FHIT: variants seen among roughly 807,000 people sequenced by gnomAD.
FHIT encodes bis(5'-adenosyl)-triphosphatase.
In FHIT, 19 loss-of-function variants were observed where a neutral mutation model predicts 17.9. That is an observed-to-expected ratio of 1.06 (90% CI 0.74 to 1.56). The LOEUF is 1.56. Ranked by LOEUF, FHIT falls within the 40% of genes most tolerant of loss-of-function variation. FHIT has a pLI of 0.00. For missense variants in FHIT, 248 were observed against 189.2 expected (o/e 1.31, Z -1.82); for synonymous variants, 81 against 69.7 (o/e 1.16, Z -0.81).
intron 4 of FHIT, among the ~76,000 whole-genome samples, chr3:60,550,696 C>T (rs2036517949): frequency 1.3e-5 from 2 of 151,520 alleles, no homozygotes; most frequent in African/African-American, 4.9e-5. Context: ...AAAAGATGTT[C>T]AGGGATTACA....
chr3:60,976,382 C>T (rs1318359375), intron 3 of FHIT, among the ~76,000 whole-genome samples: 1 of 152,060 alleles, frequency 6.6e-6, no homozygotes, highest in Non-Finnish European at 1.5e-5. Flanking sequence ...GCTCAGATTC[C>T]AGGCGTGAGC....
At chr3:60,936,182 C>T (rs1181911333) in intron 3 of FHIT, among the ~76,000 whole-genome samples, 1 of 152,150 alleles carries the variant, frequency 6.6e-6, no homozygotes, top group African/African-American at 2.4e-5. Flanking sequence ...GTACATGGTA[C>T]ATCAAGGGTT....
intron 4 of FHIT, among the ~76,000 whole-genome samples, chr3:60,616,054 A>G (rs2038941937): frequency 6.6e-6 from 1 of 152,202 alleles, no homozygotes; most frequent in Non-Finnish European, 1.5e-5. Context: ...CACCCTTGTC[A>G]GTAATATCAC....
Position 59,979,820 on chromosome 3 carries a change from T to G in FHIT, c.279+31551A>C, listed in dbSNP as rs745727842. On this transcript the variant is annotated intron_variant, in intron 7 of 9. Coordinates refer to ENST00000492590, the MANE Select transcript of FHIT (RefSeq NM_002012.4). ...AAGAAAGAAACTGTGAAACTGAGCG[T>G]CACCATCCTGCCACATAAAAAGCAA... is the stretch of plus-strand genomic sequence containing the variant. Among the ~76,000 whole-genome samples, 7 of 152,092 alleles carry G rather than the reference T, an allele frequency of 4.6e-5. No individual in the cohort carries two copies. The South Asian group carries it at 1.4e-3, about 32-fold the overall frequency.
intron 4 of FHIT, among the ~76,000 whole-genome samples, chr3:60,744,534 G>A (rs1364892630): frequency 6.6e-6 from 1 of 152,126 alleles, no homozygotes; most frequent in Non-Finnish European, 1.5e-5. Context: ...ACACTTTATA[G>A]TTGTGAGCCC....
intron 5 of FHIT, among the ~76,000 whole-genome samples, chr3:60,056,719 A>G (rs1575993460): frequency 6.6e-6 from 1 of 152,250 alleles, no homozygotes; most frequent in African/African-American, 2.4e-5. Context: ...GCTTGGCAGG[A>G]AAACAGAAAT....
At chr3:59,789,164 C>T (rs1266067292) in intron 8 of FHIT, among the ~76,000 whole-genome samples, 1 of 152,126 alleles carries the variant, frequency 6.6e-6, no homozygotes, top group Non-Finnish European at 1.5e-5. Flanking sequence ...CCATTAGGGA[C>T]TTTGCACTGG....
intron 5 of FHIT, among the ~76,000 whole-genome samples, chr3:60,108,704 T>C (rs1039623612): frequency 2.0e-5 from 3 of 151,168 alleles, no homozygotes; most frequent in African/African-American, 7.3e-5. Context: ...GCTTTTGTCG[T>C]CCAGGCAGGA....
At chr3:60,565,840 T>C (rs1294509496) in intron 4 of FHIT, among the ~76,000 whole-genome samples, 9 of 152,162 alleles carry the variant, frequency 5.9e-5, no homozygotes, top group African/African-American at 1.2e-4. Context: ...CTAGTTCTTT[T>C]AATTGTGATG....
intron 4 of FHIT, among the ~76,000 whole-genome samples, chr3:60,744,604 A>C (rs566234684): frequency 2.0e-5 from 3 of 152,282 alleles, no homozygotes; most frequent in East Asian, 1.9e-4. Flanking sequence ...TCTAACCAAA[A>C]CCATTACCAT....
intron 3 of FHIT, among the ~76,000 whole-genome samples, chr3:60,982,951 G>T (rs1005296978): frequency 8.5e-5 from 13 of 152,058 alleles, no homozygotes; most frequent in Non-Finnish European, 1.5e-4. Context: ...TCCTCTTTCT[G>T]TGGAGGTCAG....
At chr3:59,816,220 TC>T (rs1700595107) in intron 8 of FHIT, among the ~76,000 whole-genome samples, 1 of 152,216 alleles carries the variant, frequency 6.6e-6, no homozygotes, top group Non-Finnish European at 1.5e-5. Context: ...GGGACAGTGA[TC>T]CTTGCTCTTG....
intron 5 of FHIT, among the ~76,000 whole-genome samples, chr3:60,081,115 G>A (rs999896045): frequency 6.6e-5 from 10 of 152,096 alleles, no homozygotes; most frequent in Admixed American, 2.0e-4. Flanking sequence ...TTAGAGGAAT[G>A]CAGTGCTTCT....
chr3:60,638,510 T>C (rs1577011984), intron 4 of FHIT, among the ~76,000 whole-genome samples: 1 of 152,154 alleles, frequency 6.6e-6, no homozygotes, highest in African/African-American at 2.4e-5. Context: ...TTAGAATCAC[T>C]TGGGGAACTC....
intron 1 of FHIT, among the ~76,000 whole-genome samples, chr3:61,209,866 C>A (rs529081962): frequency 6.6e-6 from 1 of 152,182 alleles, no homozygotes; most frequent in Non-Finnish European, 1.5e-5. Flanking sequence ...GAGCTGCGTT[C>A]CTTTGGAGGA....
At chr3:59,891,622 T>G (rs1162136732) in intron 8 of FHIT, among the ~76,000 whole-genome samples, 1 of 152,216 alleles carries the variant, frequency 6.6e-6, no homozygotes, top group Non-Finnish European at 1.5e-5. Flanking sequence ...TTCTGAACCT[T>G]GCTGACGGTA....
At chr3:59,797,181 A>G (rs911027501) in intron 8 of FHIT, among the ~76,000 whole-genome samples, 1 of 150,464 alleles carries the variant, frequency 6.6e-6, no homozygotes, top group South Asian at 2.1e-4. Context: ...TATTATTTTG[A>G]TATTACAATT....
chr3:60,705,191 T>G (rs1252339871), intron 4 of FHIT, among the ~76,000 whole-genome samples: 2 of 152,168 alleles, frequency 1.3e-5, no homozygotes, highest in Non-Finnish European at 2.9e-5. Flanking sequence ...CAAACTACTT[T>G]CATGACACTT....
chr3:60,579,038 T>C (rs190148849), intron 4 of FHIT, among the ~76,000 whole-genome samples: 3 of 152,310 alleles, frequency 2.0e-5, no homozygotes, highest in East Asian at 1.9e-4. Flanking sequence ...CTGGTTTCCA[T>C]GCACCTGCAA....
Sources: allele counts gnomAD v4.1 joint callset (sites outside exome capture counted in the v4.1 genomes callset), GRCh38; gene constraint gnomAD v4.1.1; transcripts MANE v1.5; gene names NCBI Gene and HGNC (gene_info 2026-07-23, HGNC 2026-07-21).